SPMIP6: variants seen among roughly 807,000 people sequenced by gnomAD.
The protein encoded by SPMIP6 is ciliated bronchial epithelial protein 1.
At chr9:34,382,700 G>A in the SPMIP6 span, 57 of 1,114,876 alleles carry the variant, frequency 5.1e-5, 3 homozygotes, top group South Asian at 6.9e-4. Flanking sequence ...TTTGGGAGGT[G>A]GTGGGGTATG....
At chr9:34,385,779 AC>A in the SPMIP6 span, 3 of 1,612,198 alleles carry the variant, frequency 1.9e-6, no homozygotes, top group African/African-American at 4.0e-5. Context: ...TATGAGTCAG[AC>A]CCTGGGCAAG....
chr9:34,382,061 A>G, the SPMIP6 span, among the ~76,000 whole-genome samples: 1 of 152,134 alleles, frequency 6.6e-6, no homozygotes, highest in Non-Finnish European at 1.5e-5. Context: ...TGGAGCAGGG[A>G]GATTCATTGT....
chr9:34,395,461 CT>C, the SPMIP6 span, among the ~76,000 whole-genome samples: 1 of 152,082 alleles, frequency 6.6e-6, no homozygotes, highest in Non-Finnish European at 1.5e-5. Context: ...GGCAATAATT[CT>C]CTGTCTTCTT....
At chr9:34,380,729 G>T in the SPMIP6 span, 1 of 1,548,540 alleles carries the variant, frequency 6.5e-7, no homozygotes, top group Non-Finnish European at 8.7e-7. Context: ...GTTAGTTCAG[G>T]CCTTGGAGCC....
chr9:34,385,535 CAAAAAAAAAAAAA>C, the SPMIP6 span: 2 of 295,274 alleles, frequency 6.8e-6, no homozygotes, highest in East Asian at 8.8e-5. Flanking sequence ...AACTCCGTCT[CAAAAAAAAAAAAA>C]AAAAAAAAAA....
chr9:34,388,932 C>CTTTTTT, the SPMIP6 span, among the ~76,000 whole-genome samples: 102 of 109,796 alleles, frequency 9.3e-4, no homozygotes, highest in East Asian at 1.9e-3. Flanking sequence ...CTCTCTCTTT[C>CTTTTTT]TTTTTTTTTT....
At chr9:34,383,397 G>A in the SPMIP6 span, among the ~76,000 whole-genome samples, 115 of 152,268 alleles carry the variant, frequency 7.6e-4, no homozygotes, top group African/African-American at 2.6e-3. Flanking sequence ...GTTGGTGTGC[G>A]CCTGTAAACC....
At chr9:34,380,984 C>G in the SPMIP6 span, 3 of 1,609,564 alleles carry the variant, frequency 1.9e-6, no homozygotes, top group Admixed American at 1.7e-5. Context: ...CCCGCGCAGA[C>G]AGTAGTGGCG....
At chr9:34,385,789 A>G in the SPMIP6 span, 1 of 1,611,338 alleles carries the variant, frequency 6.2e-7, no homozygotes, top group Non-Finnish European at 8.5e-7. Flanking sequence ...ACCCTGGGCA[A>G]GGGGAGAGGA....
At chr9:34,380,915 C>T in the SPMIP6 span, 5 of 1,589,558 alleles carry the variant, frequency 3.1e-6, no homozygotes, top group South Asian at 4.5e-5. Context: ...CGGTTGCTCC[C>T]GGCACCAAGG....
chr9:34,380,954 C>G, the SPMIP6 span: 2 of 1,604,640 alleles, frequency 1.2e-6, no homozygotes, highest in Non-Finnish European at 8.5e-7. Flanking sequence ...GCAGGGCGCC[C>G]CGCTGGCGTA....
chr9:34,385,756 T>A, the SPMIP6 span: 1 of 1,613,638 alleles, frequency 6.2e-7, no homozygotes, highest in South Asian at 1.1e-5. Context: ...GGGATCCACA[T>A]GTCGCTCCAT....
At chr9:34,379,091 G>T in the SPMIP6 span, 1 of 1,607,714 alleles carries the variant, frequency 6.2e-7, no homozygotes, top group Non-Finnish European at 8.5e-7. This position sits in a 1 kb window ranked among gnomAD's most constrained non-coding sequence, Gnocchi z 4.2. Flanking sequence ...AGCAACGATA[G>T]TCGGGATAGG....
the SPMIP6 span, among the ~76,000 whole-genome samples, chr9:34,386,009 C>T: frequency 3.4e-4 from 52 of 152,328 alleles, no homozygotes; most frequent in Admixed American, 1.0e-3. Flanking sequence ...GGCTTGGGGC[C>T]GAGCGGTGGC....
At chr9:34,381,418 T>G in the SPMIP6 span, 1 of 1,614,004 alleles carries the variant, frequency 6.2e-7, no homozygotes, top group Non-Finnish European at 8.5e-7. This position sits in a 1 kb window ranked among gnomAD's most constrained non-coding sequence, Gnocchi z 4.4. Context: ...AGGGCATTCC[T>G]CGAACTGCTG....
chr9:34,397,517 G>A, the SPMIP6 span: 22 of 1,614,102 alleles, frequency 1.4e-5, no homozygotes, highest in South Asian at 2.0e-4. Flanking sequence ...GAAACTTGTT[G>A]GCTTCCCAGG....
chr9:34,381,488 G>A, the SPMIP6 span: 2 of 1,613,526 alleles, frequency 1.2e-6, no homozygotes, highest in South Asian at 2.2e-5. The surrounding 1 kb of genome is among the most constrained non-coding windows in gnomAD (Gnocchi z 4.4). Flanking sequence ...ACCTGGCAGA[G>A]CTGCTCCCTT....
chr9:34,385,913 GA>G, the SPMIP6 span: 1 of 796,916 alleles, frequency 1.3e-6, no homozygotes, highest in Non-Finnish European at 2.0e-6. Context: ...CCCCATGTCA[GA>G]GGGATTCCCA....
chr9:34,384,061 G>A, the SPMIP6 span, among the ~76,000 whole-genome samples: 1 of 152,204 alleles, frequency 6.6e-6, no homozygotes. Context: ...GAATACATAT[G>A]CGACACGGTG....
Sources: gnomAD v4.1 joint callset for allele counts (sites outside exome capture counted in the v4.1 genomes callset) on GRCh38, gnomAD v4.1.1 for gene constraint, Gnocchi (gnomAD v3.1) non-coding constraint, MANE v1.5 for transcripts, NCBI Gene and HGNC (gene_info 2026-07-23, HGNC 2026-07-21) for gene names.